The following IGF2R variants were observed in gnomAD, a reference collection of about 807,000 sequenced individuals.
The protein encoded by IGF2R is cation-independent mannose-6-phosphate receptor.
IGF2R carries 91 observed loss-of-function variants against 270.6 expected under a neutral mutation model. The ratio of observed to expected loss-of-function variants is 0.34; its 90% CI spans 0.28 to 0.40. The LOEUF is 0.40. Ranked by LOEUF, IGF2R falls within the 10% of genes least tolerant of loss-of-function variation. The pLI, the probability that IGF2R is intolerant of heterozygous loss-of-function variation, is 1.00. For synonymous variants in IGF2R, 1,316 were observed against 1,258.9 expected, an observed-to-expected ratio of 1.05 and a Z score of -0.96; for missense variants, 2,805 against 3,188.3, an observed-to-expected ratio of 0.88 and a Z score of 2.90.
intron 44 of IGF2R, among the ~76,000 whole-genome samples, chr6:160,091,482 C>T (rs1583302830): frequency 6.6e-6 from 1 of 152,132 alleles, no homozygotes; most frequent in Non-Finnish European, 1.5e-5. Flanking sequence ...CTCCTGGTCA[C>T]AGATTGTAGA....
At position 160,098,553 on chromosome 6, in the gene IGF2R, T is replaced by G. The variant is rs140470675; in HGVS notation, c.6842+1928T>G. ...TGTAAATATGGCCAGACGCGGTGGC[T>G]CACGCTTGTAATCCCAACATTTTGG... On this transcript the variant is annotated intron_variant, in intron 45 of 47. Transcript: ENST00000356956. Among the ~76,000 whole-genome samples, 266 of 152,256 alleles carry G rather than the reference T, an allele frequency of 1.7e-3. 8 individuals are homozygous for G. In the East Asian group the frequency reaches 0.043, roughly 24 times the overall value.
At chr6:159,982,132 C>A (rs1757018200) in intron 1 of IGF2R, among the ~76,000 whole-genome samples, 1 of 152,178 alleles carries the variant, frequency 6.6e-6, no homozygotes, top group South Asian at 2.1e-4. Flanking sequence ...TTAGTGTAGG[C>A]AACAGCAAGT....
rs1239651885 is a variant in IGF2R, at chr6:160,099,898, T to TGAAG, written c.6843-2612_6843-2609dup. ...AGTAAAACCATTTTCTTGAAAGAAA[T>TGAAG]GAAGGAAGGAAGAAAAGGTAGAGTT... On this transcript the variant is annotated intron_variant, in intron 45 of 47. Coordinates refer to ENST00000356956, the MANE Select transcript of IGF2R (RefSeq NM_000876.4). 2.6e-5 allele frequency among the ~76,000 whole-genome samples: 4 copies of TGAAG among 152,178 alleles called. No individual in the cohort carries two copies. In the East Asian group the frequency reaches 7.7e-4, roughly 29 times the overall value.
At chr6:159,984,138 G>C (rs1353116206) in intron 1 of IGF2R, among the ~76,000 whole-genome samples, 2 of 152,194 alleles carry the variant, frequency 1.3e-5, no homozygotes, top group African/African-American at 4.8e-5. Context: ...ACCATTCTGA[G>C]AATTCTGCCT....
chr6:160,094,023 A>G, intron 44 of IGF2R: 1 of 614,350 alleles, frequency 1.6e-6, no homozygotes, highest in East Asian at 4.1e-5. Context: ...TATTCCTTGC[A>G]GTCTAGTATT....
chr6:160,072,496 C>A (rs1386511495), intron 32 of IGF2R, among the ~76,000 whole-genome samples: 1 of 152,196 alleles, frequency 6.6e-6, no homozygotes, highest in Non-Finnish European at 1.5e-5. Flanking sequence ...CCCATGCCCA[C>A]CAGACTCTTA....
At chr6:159,992,435 T>A (rs1437074273) in intron 2 of IGF2R, among the ~76,000 whole-genome samples, 1 of 152,218 alleles carries the variant, frequency 6.6e-6, no homozygotes, top group Non-Finnish European at 1.5e-5. Context: ...ACCTATTATT[T>A]AGTTTCTACT....
At chr6:159,999,831 T>C (rs1472705050) in intron 2 of IGF2R, among the ~76,000 whole-genome samples, 1 of 152,052 alleles carries the variant, frequency 6.6e-6, no homozygotes, top group African/African-American at 2.4e-5. Context: ...AAAAAGACAA[T>C]AGAACATTGG....
At chr6:159,992,510 T>C (rs1783994200) in intron 2 of IGF2R, among the ~76,000 whole-genome samples, 1 of 152,156 alleles carries the variant, frequency 6.6e-6, no homozygotes, top group South Asian at 2.1e-4. Context: ...GATAATGTGC[T>C]ATTGTTCAAT....
intron 1 of IGF2R, among the ~76,000 whole-genome samples, chr6:159,990,630 C>A (rs1474492585): frequency 4.8e-5 from 7 of 147,236 alleles, no homozygotes; most frequent in Non-Finnish European, 7.5e-5. Flanking sequence ...TAAGATATTT[C>A]TTTTTTTTTT....
chr6:160,111,187 T>C lies in IGF2R; in HGVS notation c.*6103T>C, dbSNP rs762305745. 1 of 152,292 alleles carries C rather than the reference T, an allele frequency of 6.6e-6. No homozygotes were observed. Among genetic ancestry groups the C allele is most frequent in the Non-Finnish European group, 1.5e-5 (1 of 68,030 alleles). 9.4% of individuals were successfully genotyped at this position (152,292 alleles called of 1,614,324 possible). ...CATGTTGTACAACATAAGTATACAA[T>C]TGACCCTTGAACAATACAGGTTTGA... On this transcript the variant is annotated 3_prime_UTR_variant, in exon 48 of 48. Coordinates refer to ENST00000356956, the MANE Select transcript of IGF2R (RefSeq NM_000876.4).
In IGF2R at chr6:160,069,909, TCC is replaced by T; in HGVS notation, c.4295_4296del (p.Ser1432Ter). ...AGCAGCCGCGTGTCTGCTGGGTGGC[TCC>T]AAGCCCGTGAACCTCGGCAGGGTAA... ...PEAAACLLGG[S>X]KPVNLGRVRD... On this transcript the variant is annotated frameshift_variant, in exon 31 of 48. Transcript: ENST00000356956. LOFTEE classifies it high-confidence loss of function. 1 of 1,614,196 alleles carries T rather than the reference TCC, an allele frequency of 6.2e-7. No homozygotes were observed. The highest frequency in any genetic ancestry group is 8.5e-7 in the Non-Finnish European group (1 of 1,180,038).
intron 5 of IGF2R, among the ~76,000 whole-genome samples, chr6:160,025,669 T>C (rs1205849883): frequency 6.6e-6 from 1 of 152,142 alleles, no homozygotes; most frequent in Non-Finnish European, 1.5e-5. Flanking sequence ...CAATGATAAC[T>C]AGGTTTTTTT....
chr6:160,073,508 G>A (rs764926606), intron 34 of IGF2R, 39 bp downstream of exon 34: 4 of 1,606,236 alleles, frequency 2.5e-6, no homozygotes, highest in Non-Finnish European at 3.4e-6. Context: ...TGCATGTCCA[G>A]TGCCTGGCTG....
chr6:159,979,852 C>T (rs1783752238), intron 1 of IGF2R, among the ~76,000 whole-genome samples: 1 of 152,112 alleles, frequency 6.6e-6, no homozygotes, highest in Admixed American at 6.5e-5. Context: ...TGGGCTCCCT[C>T]TGGGTAAAAG....
chr6:160,046,485 T>C lies in IGF2R; in HGVS notation c.1904-13T>C. 6.3e-7 allele frequency: 1 copy of C among 1,599,672 alleles called. No individual in the cohort carries two copies. The highest frequency in any genetic ancestry group is 8.5e-7 in the Non-Finnish European group (1 of 1,176,376). On this transcript the variant is annotated splice_polypyrimidine_tract_variant and intron_variant, in intron 14 of 47. Coordinates refer to ENST00000356956, the MANE Select transcript of IGF2R (RefSeq NM_000876.4). ...TGACCTTCCATACTTTTATTGTTTTTATTCTTTCTTAGGGTTTTCTTTTGA... is the reference window on the plus strand; with the variant it reads ...TGACCTTCCATACTTTTATTGTTTTCATTCTTTCTTAGGGTTTTCTTTTGA...
intron 37 of IGF2R, among the ~76,000 whole-genome samples, chr6:160,079,232 G>A (rs1261442603): frequency 2.0e-5 from 3 of 152,188 alleles, no homozygotes; most frequent in East Asian, 1.9e-4. Flanking sequence ...CACTTGGCCC[G>A]CACAATGTCT....
At chr6:160,047,039 C>A in intron 15 of IGF2R, 120 bp from the exon 16 acceptor site, 1 of 871,874 alleles carries the variant, frequency 1.1e-6, no homozygotes, top group Non-Finnish European at 1.8e-6. Flanking sequence ...CTGTGGTCTG[C>A]AGCCCGGGCC....
At chr6:160,068,851 C>T (rs749456046) in intron 30 of IGF2R, among the ~76,000 whole-genome samples, 5 of 152,084 alleles carry the variant, frequency 3.3e-5, no homozygotes, top group Non-Finnish European at 5.9e-5. Flanking sequence ...GCAGCATGGA[C>T]GTGGTTCGGC....
Sources: gnomAD v4.1 joint callset for allele counts (sites outside exome capture counted in the v4.1 genomes callset) on GRCh38, gnomAD v4.1.1 for gene constraint, MANE v1.5 for transcripts, NCBI Gene and HGNC (gene_info 2026-07-23, HGNC 2026-07-21) for gene names.